VPS13B: variants seen among roughly 807,000 people sequenced by gnomAD.
VPS13B encodes the protein intermembrane lipid transfer protein VPS13B.
VPS13B carries 285 observed loss-of-function variants against 426.4 expected under a neutral mutation model. The ratio of observed to expected loss-of-function variants is 0.67; its 90% CI spans 0.61 to 0.74. VPS13B has a LOEUF of 0.74. VPS13B is among the 30% of genes least tolerant of loss of function. VPS13B has a pLI of 0.00. For synonymous variants in VPS13B, 1,676 were observed against 1,676.4 expected (o/e 1.00, Z 0.01); for missense variants, 4,537 against 4,782.6 (o/e 0.95, Z 1.51).
chr8:99,538,411 A>T (rs918311062), intron 30 of VPS13B, among the ~76,000 whole-genome samples: 8 of 152,004 alleles, frequency 5.3e-5, no homozygotes, highest in African/African-American at 1.4e-4. Flanking sequence ...GGGTTTTTTT[A>T]AAACTTTTAT....
chr8:99,187,065 A>G (rs1563590478), intron 16 of VPS13B, among the ~76,000 whole-genome samples: 1 of 152,222 alleles, frequency 6.6e-6, no homozygotes, highest in Admixed American at 6.5e-5. Flanking sequence ...CTGTAGTTAT[A>G]TGAACATGGC....
chr8:99,555,518 A>T (rs1824511226), intron 30 of VPS13B, among the ~76,000 whole-genome samples: 3 of 152,228 alleles, frequency 2.0e-5, no homozygotes, highest in Admixed American at 1.3e-4. Flanking sequence ...TTTTCTTCTG[A>T]TAAAAACTTT....
chr8:99,206,135 T>A (rs1470601608), intron 17 of VPS13B, among the ~76,000 whole-genome samples: 1 of 152,214 alleles, frequency 6.6e-6, no homozygotes, highest in Non-Finnish European at 1.5e-5. Flanking sequence ...CACATGGCTT[T>A]GGTTTTGCTC....
chr8:99,436,838 A>T (rs1162821727), intron 22 of VPS13B, among the ~76,000 whole-genome samples: 1 of 151,968 alleles, frequency 6.6e-6, no homozygotes, highest in African/African-American at 2.4e-5. Flanking sequence ...TCCCAGGTTT[A>T]TGCCATTCTC....
Position 99,848,785 on chromosome 8 carries a change from C to A in VPS13B, c.9952C>A (p.Leu3318Met), listed in dbSNP as rs1237532697. The A allele has an allele frequency of 6.2e-7, 1 of 1,613,988 alleles. No homozygotes were observed. The change falls in exon 55 of 62, where the codon CTG becomes ATG. Residue 3318 changes from leucine to methionine, a missense_variant. This residue lies in a region of VPS13B where 4,311 missense variants were observed against 4,474.3 expected (regional missense o/e 0.96). Transcript: ENST00000357162. ...AATATTCTTTCTGCAGGTTGTGTTC[C>A]TGACTGGCTTTGGCTATGTGTATGT... ...INSQGTQVVF[L>M]TGFGYVYVDV...
At chr8:99,728,604 T>C (rs1833452539) in intron 39 of VPS13B, among the ~76,000 whole-genome samples, 1 of 152,208 alleles carries the variant, frequency 6.6e-6, no homozygotes, top group South Asian at 2.1e-4. Flanking sequence ...AGTCTGTTAA[T>C]GTCGTAATAA....
chr8:99,819,889 A>G (rs1814267605), intron 48 of VPS13B, 32 bp from the exon 49 acceptor site: 2 of 1,610,322 alleles, frequency 1.2e-6, no homozygotes, highest in African/African-American at 1.3e-5. Context: ...ATCATATTTC[A>G]TTGAGTCTCT....
At position 99,859,293 on chromosome 8, in the gene VPS13B, G is replaced by T; in HGVS notation, c.10868-11G>T. On this transcript the variant is annotated splice_polypyrimidine_tract_variant and intron_variant, in intron 56 of 61. Coordinates refer to ENST00000357162, the MANE Select transcript of VPS13B (RefSeq NM_152564.5). ...AGGTTTCAATCACCCCTTCCCTCTTGTGCGTTGCAGGCTGGGTAGTTGGGT... is the reference window on the plus strand; with the variant it reads ...AGGTTTCAATCACCCCTTCCCTCTTTTGCGTTGCAGGCTGGGTAGTTGGGT... 6.2e-7 allele frequency: 1 copy of T among 1,613,238 alleles called. No homozygotes were observed. The highest frequency in any genetic ancestry group is 8.5e-7 in the Non-Finnish European group (1 of 1,179,890).
chr8:99,627,110 G>T (rs144646129), intron 33 of VPS13B, among the ~76,000 whole-genome samples: 5,714 of 152,242 alleles, frequency 0.038, 134 homozygotes, highest in Middle Eastern at 0.068. Flanking sequence ...CCAGGCTAGA[G>T]GGTAGGGGAA....
chr8:99,045,453 T>C (rs1843186627), intron 3 of VPS13B, among the ~76,000 whole-genome samples: 1 of 152,132 alleles, frequency 6.6e-6, no homozygotes, highest in African/African-American at 2.4e-5. Flanking sequence ...TGGATATTAG[T>C]CCGTTGTCAG....
At chr8:99,497,179 AATATATAAATAC>A (rs1820950127) in intron 25 of VPS13B, among the ~76,000 whole-genome samples, 1 of 139,390 alleles carries the variant, frequency 7.2e-6, no homozygotes, top group African/African-American at 2.7e-5. Flanking sequence ...TTATATATTT[AATATATAAATAC>A]ATGTATTTAT....
chr8:99,348,469 G>C (rs541072963), intron 19 of VPS13B, among the ~76,000 whole-genome samples: 27 of 152,296 alleles, frequency 1.8e-4, no homozygotes, highest in African/African-American at 6.0e-4. Flanking sequence ...AAACTTTTCA[G>C]ATGACATGCA....
intron 33 of VPS13B, among the ~76,000 whole-genome samples, chr8:99,590,664 C>G (rs1222648268): frequency 6.6e-6 from 1 of 152,092 alleles, no homozygotes; most frequent in African/African-American, 2.4e-5. Context: ...GTTTCTTAAT[C>G]CTGAGTTCTA....
chr8:99,759,318 T>C (rs16897666), intron 39 of VPS13B, among the ~76,000 whole-genome samples: 13,381 of 152,196 alleles, frequency 0.088, 1,048 homozygotes, highest in African/African-American at 0.21. Context: ...TAGCTCTCTG[T>C]CCTGCTTATT....
chr8:99,472,581 A>G (rs1819471644), intron 24 of VPS13B, among the ~76,000 whole-genome samples: 1 of 152,008 alleles, frequency 6.6e-6, no homozygotes, highest in Non-Finnish European at 1.5e-5. Context: ...TTAGAAAGGA[A>G]GAAAGATCTT....
At chr8:99,217,595 G>C (rs1230311149) in intron 17 of VPS13B, among the ~76,000 whole-genome samples, 1 of 152,050 alleles carries the variant, frequency 6.6e-6, no homozygotes, top group Non-Finnish European at 1.5e-5. Context: ...GGGTATTTTT[G>C]TGTATTTCAT....
At chr8:99,024,224 G>A (rs150064034) in intron 2 of VPS13B, among the ~76,000 whole-genome samples, 10 of 152,296 alleles carry the variant, frequency 6.6e-5, no homozygotes, top group Non-Finnish European at 1.3e-4. Flanking sequence ...TCTACTCAGA[G>A]CAATTGCCTA....
rs532142570 is a variant in VPS13B at position 99,739,331 on chromosome 8, C to T, written c.7050+18284C>T. On this transcript the variant is annotated intron_variant, in intron 39 of 61. Coordinates refer to ENST00000357162, the MANE Select transcript of VPS13B (RefSeq NM_152564.5). ...AGGTAAACAAAGTGGCCTGGAAGCT[C>T]GAACTTGGTGGAGCCCACCGCAGCT... Among the ~76,000 whole-genome samples, 6 of 152,298 alleles carry T rather than the reference C, an allele frequency of 3.9e-5. No individual in the cohort carries two copies. The South Asian group carries it at 1.0e-3, about 26-fold the overall frequency.
intron 5 of VPS13B, among the ~76,000 whole-genome samples, chr8:99,104,569 CCT>C (rs1401184794): frequency 1.3e-5 from 2 of 151,252 alleles, no homozygotes; most frequent in Admixed American, 6.6e-5. Context: ...TCCCCCCTCC[CCT>C]CTCCCTTTCA....
Sources: gnomAD v4.1 joint callset for allele counts (sites outside exome capture counted in the v4.1 genomes callset) on GRCh38, gnomAD v4.1.1 for gene constraint, gnomAD v4.1.1 regional missense constraint, MANE v1.5 for transcripts, NCBI Gene and HGNC (gene_info 2026-07-23, HGNC 2026-07-21) for gene names.